The following SYNPR variants were observed in gnomAD, a reference collection of about 807,000 sequenced individuals.
SYNPR encodes synaptoporin.
A neutral mutation model predicts 32.9 loss-of-function variants in SYNPR; 23 were observed. The observed-to-expected ratio is 0.70, with a 90% CI of 0.50 to 0.99. The LOEUF (loss-of-function observed/expected upper bound fraction) is 0.99, where lower values mean the gene tolerates loss of function less well. SYNPR is among the 50% of genes least tolerant of loss of function. The probability of loss-of-function intolerance (pLI) is 0.00; values close to 1 mark genes in which losing one functional copy is unlikely to be tolerated. For missense variants in SYNPR, 318 were observed against 349.3 expected (o/e 0.91, Z 0.71); for synonymous variants, 146 against 135.9 (o/e 1.07, Z -0.52).
At chr3:63,369,183 G>C (rs1376175452) in intron 2 of SYNPR, among the ~76,000 whole-genome samples, 5 of 152,154 alleles carry the variant, frequency 3.3e-5, no homozygotes, top group Non-Finnish European at 5.9e-5. Flanking sequence ...TGCACAAAAG[G>C]CGGCCATGTG....
intron 1 of SYNPR, among the ~76,000 whole-genome samples, chr3:63,238,748 C>T (rs2086216522): frequency 6.6e-6 from 1 of 152,038 alleles, no homozygotes; most frequent in Non-Finnish European, 1.5e-5. Flanking sequence ...GTATTTAATA[C>T]AGATCAAAGT....
chr3:63,468,073 C>T lies in SYNPR; in HGVS notation c.85-12759C>T, dbSNP rs150177482. On this transcript the variant is annotated intron_variant, in intron 2 of 5. Transcript: ENST00000478300. Reference sequence around the variant, plus strand: ...AATTAGCCAGGCGTGGTGGCACATGCGTCCCAGCTACGTGGGAGGCTGAGG... The same window carrying T: ...AATTAGCCAGGCGTGGTGGCACATGTGTCCCAGCTACGTGGGAGGCTGAGG... 7.1e-3 allele frequency among the ~76,000 whole-genome samples: 1,070 copies of T among 151,482 alleles called. 9 individuals are homozygous for T. Among genetic ancestry groups the T allele is most frequent in the African/African-American group, 0.024 (980 of 41,294 alleles).
At chr3:63,475,646 A>G (rs1575663733) in intron 2 of SYNPR, among the ~76,000 whole-genome samples, 1 of 152,100 alleles carries the variant, frequency 6.6e-6, no homozygotes, top group African/African-American at 2.4e-5. Context: ...ACTTGCTTAT[A>G]GTATTACAGA....
intron 1 of SYNPR, among the ~76,000 whole-genome samples, chr3:63,246,064 A>C (rs2086286881): frequency 6.6e-6 from 1 of 152,058 alleles, no homozygotes; most frequent in Non-Finnish European, 1.5e-5. Flanking sequence ...AAGTGCCTCC[A>C]ATGACTTTTA....
At chr3:63,602,730 G>A (rs967356093) in intron 4 of SYNPR, among the ~76,000 whole-genome samples, 1 of 152,158 alleles carries the variant, frequency 6.6e-6, no homozygotes, top group Admixed American at 6.5e-5. Flanking sequence ...ACAGTACCAT[G>A]TTGTTTTGGT....
chr3:63,612,996 G>A (rs888685224), intron 5 of SYNPR, among the ~76,000 whole-genome samples: 3 of 148,060 alleles, frequency 2.0e-5, no homozygotes, highest in Non-Finnish European at 4.5e-5. Context: ...TTTTGAGACA[G>A]GGTTTTGCTC....
chr3:63,223,804 G>C (rs185563169), upstream of SYNPR, among the ~76,000 whole-genome samples: 2 of 152,086 alleles, frequency 1.3e-5, no homozygotes, highest in Admixed American at 6.5e-5. Context: ...ACTTTCTATT[G>C]TGGTGTTTTG....
intron 3 of SYNPR, among the ~76,000 whole-genome samples, chr3:63,536,274 T>G (rs553571843): frequency 1.3e-5 from 2 of 152,082 alleles, no homozygotes; most frequent in South Asian, 4.1e-4. Flanking sequence ...AACTTAACAA[T>G]AAAAAGATGA....
At chr3:63,518,557 C>T (rs575815520) in intron 3 of SYNPR, among the ~76,000 whole-genome samples, 7 of 152,234 alleles carry the variant, frequency 4.6e-5, no homozygotes, top group Admixed American at 6.5e-5. Context: ...AGCATTAGAC[C>T]TTTACTGCTT....
intron 2 of SYNPR, among the ~76,000 whole-genome samples, chr3:63,305,360 T>C (rs1281959945): frequency 6.6e-6 from 1 of 152,160 alleles, no homozygotes; most frequent in Non-Finnish European, 1.5e-5. Context: ...TAGTAATGTT[T>C]GCTGTTTTAA....
chr3:63,290,771 T>TTG (rs1056522855), intron 2 of SYNPR, among the ~76,000 whole-genome samples: 1 of 152,138 alleles, frequency 6.6e-6, no homozygotes, highest in African/African-American at 2.4e-5. Flanking sequence ...ACTTTGTCCA[T>TTG]TGTGTGTGTG....
At chr3:63,300,899 G>C (rs1194122345) in intron 2 of SYNPR, among the ~76,000 whole-genome samples, 1 of 151,926 alleles carries the variant, frequency 6.6e-6, no homozygotes, top group Non-Finnish European at 1.5e-5. Context: ...TTTGCTTCTA[G>C]ACAATCTGAT....
chr3:63,396,254 A>G (rs1259312549), intron 2 of SYNPR, among the ~76,000 whole-genome samples: 2 of 152,222 alleles, frequency 1.3e-5, no homozygotes, highest in African/African-American at 4.8e-5. Context: ...CCATATCACA[A>G]GGTTCCTCAA....
At chr3:63,292,695 A>C (rs989276868) in intron 2 of SYNPR, among the ~76,000 whole-genome samples, 1 of 152,222 alleles carries the variant, frequency 6.6e-6, no homozygotes, top group Non-Finnish European at 1.5e-5. Flanking sequence ...CTTTTCCTCC[A>C]AATATTCTTT....
chr3:63,446,353 T>C (rs1575648506), intron 2 of SYNPR, among the ~76,000 whole-genome samples: 1 of 152,020 alleles, frequency 6.6e-6, no homozygotes, highest in South Asian at 2.1e-4. Context: ...GGTTGAATAT[T>C]GCAAAGTGTC....
At chr3:63,433,718 G>T (rs759547795) in intron 2 of SYNPR, among the ~76,000 whole-genome samples, 12 of 152,126 alleles carry the variant, frequency 7.9e-5, no homozygotes, top group Non-Finnish European at 1.6e-4. Context: ...TCGGGAAGGT[G>T]TAAATTAGAA....
At chr3:63,275,994 C>T (rs1292462054), upstream of SYNPR, among the ~76,000 whole-genome samples, 1 of 152,052 alleles carries the variant, frequency 6.6e-6, no homozygotes, top group East Asian at 1.9e-4. Flanking sequence ...AACAAAAGAC[C>T]TAAATTTTTC....
At chr3:63,459,226 G>A (rs1172141188) in intron 2 of SYNPR, among the ~76,000 whole-genome samples, 1 of 151,976 alleles carries the variant, frequency 6.6e-6, no homozygotes, top group East Asian at 1.9e-4. Flanking sequence ...TCACCAATTT[G>A]GATTTTCATA....
intron 2 of SYNPR, among the ~76,000 whole-genome samples, chr3:63,389,502 C>T (rs1000119491): frequency 6.6e-6 from 1 of 152,298 alleles, no homozygotes; most frequent in East Asian, 1.9e-4. Flanking sequence ...GACTGATACT[C>T]TTTGGTTTTT....
Sources: allele counts gnomAD v4.1 joint callset (sites outside exome capture counted in the v4.1 genomes callset), GRCh38; gene constraint gnomAD v4.1.1; transcripts MANE v1.5; gene names NCBI Gene and HGNC (gene_info 2026-07-23, HGNC 2026-07-21).